The following OR6J1 variants were observed in gnomAD, a reference collection of about 807,000 sequenced individuals.
OR6J1 encodes the protein olfactory receptor family 6 subfamily J member 1.
For synonymous variants in OR6J1, 109 were observed against 70.0 expected, an observed-to-expected ratio of 1.56 and a Z score of -2.78; for missense variants, 304 against 166.8, an observed-to-expected ratio of 1.82 and a Z score of -4.53.
intron 1 of OR6J1, among the ~76,000 whole-genome samples, chr14:22,643,760 CACACAGAGAGAG>C (rs1347154576): frequency 1.8e-3 from 114 of 62,972 alleles, no homozygotes; most frequent in African/African-American, 7.0e-3. Context: ...CACACACACA[CACACAGAGAGAG>C]AGAGAGAGAG....
intron 1 of OR6J1, among the ~76,000 whole-genome samples, chr14:22,637,919 G>A (rs1360284152): frequency 1.7e-5 from 1 of 60,544 alleles, no homozygotes; most frequent in Non-Finnish European, 3.1e-5. Flanking sequence ...GTCAGCCCCC[G>A]CCCGGCCGGC....
In OR6J1 at chr14:22,643,764, C is replaced by CACACACACAG. The variant is rs1466950724; in HGVS notation, c.-28+333_-28+334insCTGTGTGTGT. ...ACACACACACACACACACACACACACAGAGAGAGAGAGAGAGAGAGAGAGA... is the reference window on the plus strand; with the variant it reads ...ACACACACACACACACACACACACACACACACACAGAGAGAGAGAGAGAGAGAGAGAGAGA... On this transcript the variant is annotated intron_variant, in intron 1 of 1. Coordinates refer to ENST00000540461, the MANE Select transcript of OR6J1 (RefSeq NM_001348233.2). Among the ~76,000 whole-genome samples, 20 of 37,692 alleles carry CACACACACAG rather than the reference C, an allele frequency of 5.3e-4. 1 individual carries two copies. Among genetic ancestry groups the CACACACACAG allele is most frequent in the Non-Finnish European group, 8.1e-4 (16 of 19,698 alleles). 24.7% of individuals were successfully genotyped at this position (37,692 alleles called of 152,430 possible).
intron 1 of OR6J1, among the ~76,000 whole-genome samples, chr14:22,636,074 G>A (rs568716547): frequency 1.3e-5 from 2 of 151,924 alleles, no homozygotes; most frequent in African/African-American, 4.8e-5. Flanking sequence ...TTAACATTTT[G>A]ATTCATACAA....
At position 22,644,272 on chromosome 14, in the gene OR6J1, G is replaced by C. The variant is rs1317411252; in HGVS notation, c.-202C>G. 6.6e-6 allele frequency: 1 copy of C among 152,256 alleles called. No homozygotes were observed. Among genetic ancestry groups the C allele is most frequent in the Non-Finnish European group, 1.5e-5 (1 of 68,060 alleles). 9.4% of individuals were successfully genotyped at this position (152,256 alleles called of 1,614,324 possible). ...CCCTTCCCAACTCATGTGGATTGTT[G>C]CCTTAGCTGTGACCTCTTGTCCGAC... On this transcript the variant is annotated 5_prime_UTR_variant, in exon 1 of 2. Coordinates refer to ENST00000540461, the MANE Select transcript of OR6J1 (RefSeq NM_001348233.2).
chr14:22,640,228 G>GGGAGGGAAGGAAGGAT (rs2037633466), intron 1 of OR6J1, among the ~76,000 whole-genome samples: 3 of 97,772 alleles, frequency 3.1e-5, no homozygotes, highest in African/African-American at 1.3e-4. Flanking sequence ...GAGGGAGGGA[G>GGGAGGGAAGGAAGGAT]GGAAGGAAGG....
chr14:22,639,250 C>CG (rs2037623215), intron 1 of OR6J1, among the ~76,000 whole-genome samples: 1 of 126,458 alleles, frequency 7.9e-6, no homozygotes, highest in Non-Finnish European at 1.6e-5. Flanking sequence ...GTCAGCCCCC[C>CG]GCCAGGCCAG....
At position 22,632,909 on chromosome 14, in the gene OR6J1, T is replaced by C. The variant is rs1159959732; in HGVS notation, c.*859A>G. 1 of 152,226 alleles carries C rather than the reference T, an allele frequency of 6.6e-6. No individual in the cohort carries two copies. The highest frequency in any genetic ancestry group is 1.5e-5 in the Non-Finnish European group (1 of 68,048). 9.4% of individuals were successfully genotyped at this position (152,226 alleles called of 1,614,324 possible). A position where few individuals can be genotyped will look rare whatever the true frequency, so the allele number is the denominator to read the frequency against. The stretch of plus-strand genomic sequence containing the variant: ...GCATTCTCTCTGAGGGGCAGACTGG[T>C]TTCCTCTAATTATTCATCAGCTTGC... On this transcript the variant is annotated 3_prime_UTR_variant, in exon 2 of 2. Transcript: ENST00000540461.
chr14:22,640,577 C>T (rs1192134672), intron 1 of OR6J1, among the ~76,000 whole-genome samples: 1 of 147,352 alleles, frequency 6.8e-6, no homozygotes, highest in Non-Finnish European at 1.5e-5. Context: ...ACTTCAGACT[C>T]AGCCTCCCTG....
chr14:22,639,471 C>T (rs1249268652), intron 1 of OR6J1, among the ~76,000 whole-genome samples: 2 of 133,414 alleles, frequency 1.5e-5, no homozygotes, highest in African/African-American at 3.3e-5. Context: ...GCCACCACCC[C>T]GTCTGGGAGG....
chr14:22,640,238 GATGGAAGGAAGGAAGGAAGC>G (rs1239169066), intron 1 of OR6J1, among the ~76,000 whole-genome samples: 6 of 114,240 alleles, frequency 5.3e-5, no homozygotes, highest in Admixed American at 2.6e-4. Flanking sequence ...GGGAAGGAAG[GATGGAAGGAAGGAAGGAAGC>G]AAGGAAGGAA....
intron 1 of OR6J1, among the ~76,000 whole-genome samples, chr14:22,635,614 G>C (rs946946074): frequency 1.3e-5 from 2 of 152,188 alleles, no homozygotes; most frequent in African/African-American, 4.8e-5. Context: ...AGGCAAGATG[G>C]CATTGGCACA....
chr14:22,634,039 T>C lies in OR6J1; in HGVS notation c.773A>G (p.Tyr258Cys), dbSNP rs2037565543. Residue 258 changes from tyrosine to cysteine, a missense_variant, in exon 2 of 2, where the codon TAT (tyrosine) becomes TGT (cysteine). Physicochemically the swap from Tyr to Cys is radical, Grantham distance 194. Coordinates refer to ENST00000540461, the MANE Select transcript of OR6J1 (RefSeq NM_001348233.2). ...IISSGITVFIYVTPSQKEYLE... is the reference protein window; with the variant it reads ...IISSGITVFICVTPSQKEYLE... ...ATATTCTTTCTGGGAGGGAGTCACATAGATAAACACAGTGATGCCACTAGA... is the reference window on the plus strand; with the variant it reads ...ATATTCTTTCTGGGAGGGAGTCACACAGATAAACACAGTGATGCCACTAGA... 2 of 702,850 alleles carry C rather than the reference T, an allele frequency of 2.8e-6. No individual in the cohort carries two copies. The highest frequency in any genetic ancestry group is 5.2e-6 in the Non-Finnish European group (2 of 384,834). 43.5% of individuals were successfully genotyped at this position (702,850 alleles called of 1,614,324 possible).
At chr14:22,638,961 G>A (rs1178297431) in intron 1 of OR6J1, among the ~76,000 whole-genome samples, 1 of 112,846 alleles carries the variant, frequency 8.9e-6, no homozygotes, top group African/African-American at 4.6e-5. Flanking sequence ...TGTGGGGAGC[G>A]CCTCTGCCCC....
rs1050017533 is a variant in OR6J1 at position 22,631,821 on chromosome 14, C to T, written c.*1947G>A. The stretch of plus-strand genomic sequence containing the variant: ...TGACTTCCCGCAACACTAGTTAGCT[C>T]ACCTCCAGCTTCCCCATGCCAAAAT... On this transcript the variant is annotated 3_prime_UTR_variant, in exon 2 of 2. Transcript: ENST00000540461. 2 of 153,670 alleles carry T rather than the reference C, an allele frequency of 1.3e-5. No homozygotes were observed. The highest frequency in any genetic ancestry group is 1.9e-4 in the South Asian group (1 of 5,400). The allele number at this position is 153,670 out of a possible 1,614,324, so 9.5% of individuals were successfully genotyped here.
intron 1 of OR6J1, among the ~76,000 whole-genome samples, chr14:22,637,094 G>A (rs2037594224): frequency 8.5e-6 from 1 of 117,556 alleles, no homozygotes; most frequent in Non-Finnish European, 1.6e-5. Context: ...GAGCGCCTCT[G>A]CTGGCCGCAA....
chr14:22,642,907 A>G (rs753178081), intron 1 of OR6J1, among the ~76,000 whole-genome samples: 1 of 151,740 alleles, frequency 6.6e-6, no homozygotes, highest in East Asian at 1.9e-4. Flanking sequence ...GGCTCAAGTG[A>G]TCCTCCTGCC....
At chr14:22,642,259 T>C (rs1392905998) in intron 1 of OR6J1, among the ~76,000 whole-genome samples, 4 of 149,540 alleles carry the variant, frequency 2.7e-5, no homozygotes, top group East Asian at 1.9e-4. Flanking sequence ...TACAATTCAA[T>C]AGCTTTTAGT....
intron 1 of OR6J1, among the ~76,000 whole-genome samples, chr14:22,636,633 C>G (rs1455617245): frequency 8.7e-6 from 1 of 114,332 alleles, no homozygotes; most frequent in Non-Finnish European, 1.7e-5. Flanking sequence ...CCGGGCTGGT[C>G]TCCAGCTCCT....
rs1354542136 is a variant in OR6J1, at chr14:22,634,055, T to G, written c.757A>C (p.Ile253Leu). Residue 253 changes from isoleucine to leucine, a missense_variant, in exon 2 of 2, where the codon ATC (isoleucine) becomes CTC (leucine). Physicochemically the swap from Ile to Leu is conservative, Grantham distance 5. Coordinates refer to ENST00000540461, the MANE Select transcript of OR6J1 (RefSeq NM_001348233.2). ...HLTIVIISSGITVFIYVTPSQ... is the reference protein window; with the variant it reads ...HLTIVIISSGLTVFIYVTPSQ... ...GGAGTCACATAGATAAACACAGTGATGCCACTAGAAATGATGACTATGGTC... is the reference window on the plus strand; with the variant it reads ...GGAGTCACATAGATAAACACAGTGAGGCCACTAGAAATGATGACTATGGTC... The G allele has an allele frequency of 1.4e-6, 1 of 702,942 alleles. No individual in the cohort carries two copies. Among genetic ancestry groups the G allele is most frequent in the African/African-American group, 1.7e-5 (1 of 57,350 alleles). 43.5% of individuals were successfully genotyped at this position (702,942 alleles called of 1,614,324 possible).
Sources: gnomAD v4.1 joint callset for allele counts (sites outside exome capture counted in the v4.1 genomes callset) on GRCh38, gnomAD v4.1.1 for gene constraint, MANE v1.5 for transcripts, NCBI Gene and HGNC (gene_info 2026-07-23, HGNC 2026-07-21) for gene names.